The following CCNH variants were observed in gnomAD, a reference collection of about 807,000 sequenced individuals.
CCNH encodes cyclin-H.
In CCNH, 31 loss-of-function variants were observed where a neutral mutation model predicts 41.9. That is an observed-to-expected ratio of 0.74 (90% CI 0.56 to 1.00). CCNH has a LOEUF of 1.00. Ranked by LOEUF, CCNH falls within the 50% of genes least tolerant of loss-of-function variation. The pLI, the probability that CCNH is intolerant of heterozygous loss-of-function variation, is 0.00. For synonymous variants in CCNH, 138 were observed against 136.1 expected (o/e 1.01, Z -0.10); for missense variants, 362 against 388.4 (o/e 0.93, Z 0.57).
intron 9 of CCNH, among the ~76,000 whole-genome samples, chr5:87,326,035 A>C (rs1757208364): frequency 6.6e-6 from 1 of 151,988 alleles, no homozygotes; most frequent in South Asian, 2.1e-4. Flanking sequence ...GCAGTGGCAC[A>C]ATCTTGTCTC....
chr5:87,389,600 T>G, downstream of CCNH: 1 of 1,562,514 alleles, frequency 6.4e-7, no homozygotes, highest in Non-Finnish European at 8.8e-7. Flanking sequence ...AATAGCTGAA[T>G]TCTGGTTAAC....
chr5:87,394,979 C>G (rs761025796), intron 8 of CCNH, 65 bp downstream of exon 8: 2 of 1,605,670 alleles, frequency 1.2e-6, no homozygotes, highest in Non-Finnish European at 8.5e-7. Flanking sequence ...TAAATCTTAA[C>G]AGTATAGTCA....
intron 9 of CCNH, among the ~76,000 whole-genome samples, chr5:87,324,329 A>G (rs987415988): frequency 3.3e-5 from 5 of 152,070 alleles, no homozygotes; most frequent in South Asian, 2.1e-4. Flanking sequence ...AGTGCATAAC[A>G]TTTCTTGGAG....
upstream of CCNH, among the ~76,000 whole-genome samples, chr5:87,377,818 T>G (rs967298016): frequency 6.6e-6 from 1 of 152,112 alleles, no homozygotes; most frequent in East Asian, 1.9e-4. Flanking sequence ...GTTCCCCAAA[T>G]AAATAGTAAA....
chr5:87,361,635 A>T (rs1760099173), intron 9 of CCNH, among the ~76,000 whole-genome samples: 4 of 152,164 alleles, frequency 2.6e-5, no homozygotes, highest in Admixed American at 2.6e-4. Context: ...ATCCTGATAT[A>T]ATTCTTTTCC....
intron 9 of CCNH, chr5:87,385,432 A>G: frequency 7.1e-7 from 1 of 1,404,682 alleles, no homozygotes; most frequent in Non-Finnish European, 1.0e-6. Context: ...TATGAATGCA[A>G]GTTTGACATG....
At chr5:87,355,069 C>T (rs1246801888) in intron 9 of CCNH, among the ~76,000 whole-genome samples, 5 of 152,070 alleles carry the variant, frequency 3.3e-5, no homozygotes, top group South Asian at 2.1e-4. Context: ...TAAAAGTGTA[C>T]GGTGAAGCAA....
rs1561341559 is a variant in CCNH at position 87,395,059 on chromosome 5, T to C, written c.918A>G (p.Lys306=). 6.2e-7 allele frequency: 1 copy of C among 1,611,792 alleles called. No homozygotes were observed. Among genetic ancestry groups the C allele is most frequent in the Non-Finnish European group, 8.5e-7 (1 of 1,178,318 alleles). Residue 306 remains lysine, a synonymous_variant, in exon 8 of 9, where the codon AAA becomes AAG. Transcript: ENST00000256897. ...GYEDDDYVSK[K]SKHEEEEWTD... ...TAAAACATACCTCCTCATGTTTGGA[T>C]TTCTTTGAGACGTAATCATCATCTT... is the stretch of plus-strand genomic sequence containing the variant.
intron 9 of CCNH, chr5:87,341,410 TA>T: frequency 1.1e-6 from 1 of 926,604 alleles, no homozygotes; most frequent in Non-Finnish European, 1.5e-6. Context: ...AATTGTTTTT[TA>T]AGGTTTTGGA....
chr5:87,314,741 A>T (rs958243228), downstream of CCNH, among the ~76,000 whole-genome samples: 2 of 146,796 alleles, frequency 1.4e-5, no homozygotes, highest in East Asian at 2.0e-4. Context: ...ATGGTCATTT[A>T]AAAAAAAAAA....
chr5:87,399,627 TC>T (rs1452811149), intron 6 of CCNH, 122 bp from the exon 7 acceptor site: 9 of 680,862 alleles, frequency 1.3e-5, no homozygotes, highest in Non-Finnish European at 2.4e-5. Context: ...ATGGTTATTC[TC>T]AGGATTTGCA....
downstream of CCNH, chr5:87,394,037 C>CTAAA (rs1762723113): frequency 6.4e-6 from 1 of 156,854 alleles, no homozygotes; most frequent in Non-Finnish European, 1.4e-5. Context: ...GGACAAATAG[C>CTAAA]TAAATATATC....
chr5:87,385,678 G>C (rs956864573), intron 9 of CCNH, among the ~76,000 whole-genome samples: 22 of 152,028 alleles, frequency 1.4e-4, no homozygotes, highest in African/African-American at 4.6e-4. Context: ...AATACAAAAA[G>C]TCATTTAAAA....
chr5:87,351,411 A>C (rs1020676711), intron 9 of CCNH, among the ~76,000 whole-genome samples: 3 of 151,790 alleles, frequency 2.0e-5, no homozygotes, highest in African/African-American at 7.2e-5. Context: ...ATGAGAGTTC[A>C]GTGGGGGGTG....
At chr5:87,315,772 G>T (rs887394106), downstream of CCNH, among the ~76,000 whole-genome samples, 10 of 152,070 alleles carry the variant, frequency 6.6e-5, no homozygotes, top group Non-Finnish European at 1.2e-4. Context: ...TTGTATATTA[G>T]TAATCAAGCA....
chr5:87,401,494 A>T (rs1016046717), intron 6 of CCNH, among the ~76,000 whole-genome samples: 45 of 152,280 alleles, frequency 3.0e-4, no homozygotes, highest in African/African-American at 1.0e-3. Context: ...TCTTTGCATA[A>T]GTTCTATATA....
chr5:87,348,594 T>G (rs912910007), intron 9 of CCNH, among the ~76,000 whole-genome samples: 1 of 152,018 alleles, frequency 6.6e-6, no homozygotes, highest in South Asian at 2.1e-4. Flanking sequence ...GAATCTACCT[T>G]TATAAAAAGC....
At chr5:87,312,631 A>G in the CCNH span, among the ~76,000 whole-genome samples, 2 of 152,334 alleles carry the variant, frequency 1.3e-5, no homozygotes, top group Admixed American at 1.3e-4. Context: ...GATGAGATGA[A>G]CAACTAAACT....
upstream of CCNH, among the ~76,000 whole-genome samples, chr5:87,381,376 A>T (rs1299399501): frequency 1.3e-5 from 2 of 152,144 alleles, no homozygotes; most frequent in Non-Finnish European, 2.9e-5. Context: ...TACCCCAACT[A>T]ATTCCAGGCA....
Sources: allele counts gnomAD v4.1 joint callset (sites outside exome capture counted in the v4.1 genomes callset), GRCh38; gene constraint gnomAD v4.1.1; transcripts MANE v1.5; gene names NCBI Gene and HGNC (gene_info 2026-07-23, HGNC 2026-07-21).